Variants in BCAS3 observed in about 807,000 individuals in gnomAD.
BCAS3 encodes BCAS4/BCAS3 fusion.
A neutral mutation model predicts 116.1 loss-of-function variants in BCAS3; 53 were observed. That is an observed-to-expected ratio of 0.46 (90% CI 0.37 to 0.57). The LOEUF (loss-of-function observed/expected upper bound fraction) is 0.57. BCAS3 is among the 20% of genes least tolerant of loss of function. BCAS3 has a pLI of 0.00. For synonymous variants in BCAS3, 391 were observed against 408.2 expected, an observed-to-expected ratio of 0.96 and a Z score of 0.51; for missense variants, 917 against 1,165.4, an observed-to-expected ratio of 0.79 and a Z score of 3.10.
At chr17:60,902,488 A>C in intron 10 of BCAS3, 132 bp from the exon 11 acceptor site, 2 of 727,190 alleles carry the variant, frequency 2.8e-6, no homozygotes, top group Non-Finnish European at 4.6e-6. Flanking sequence ...TGTTTGTCTG[A>C]AATACACTCA....
intron 19 of BCAS3, among the ~76,000 whole-genome samples, chr17:61,053,626 G>A (rs1020394930): frequency 6.6e-6 from 1 of 152,150 alleles, no homozygotes; most frequent in Admixed American, 6.5e-5. Context: ...TATGTGTACT[G>A]TACATGGTGG....
chr17:60,892,211 T>C (rs972772623), intron 10 of BCAS3, among the ~76,000 whole-genome samples: 16 of 152,344 alleles, frequency 1.1e-4, no homozygotes, highest in African/African-American at 3.8e-4. Context: ...TTTTTAGTTC[T>C]TTGAGAAATC....
intron 4 of BCAS3, among the ~76,000 whole-genome samples, chr17:60,706,887 A>T (rs7208567): frequency 0.14 from 20,105 of 147,094 alleles, 4,110 homozygotes; most frequent in African/African-American, 0.45. Context: ...TGATCACACC[A>T]TACTGCATCC....
Position 61,380,254 on chromosome 17 carries a change from CAGGAGTGT to C in BCAS3, c.2594-11718_2594-11711del. 3.7e-6 allele frequency: 2 copies of C among 534,488 alleles called. No homozygotes were observed. Among genetic ancestry groups the C allele is most frequent in the South Asian group, 4.2e-5 (2 of 47,340 alleles). 33.1% of individuals were successfully genotyped at this position (534,488 alleles called of 1,614,324 possible). A position where few individuals can be genotyped will look rare whatever the true frequency, so the allele number is the denominator to read the frequency against. ...CCCTACCCCAGCCCTGTGCAGCAGG[CAGGAGTGT>C]AGGAACTCAGGCAGCTGGACTGGGG... On this transcript the variant is annotated intron_variant, in intron 23 of 23. Coordinates refer to ENST00000407086, the MANE Select transcript of BCAS3 (RefSeq NM_017679.5). This position sits in a 1 kb window ranked among gnomAD's most constrained non-coding sequence, Gnocchi z 4.2.
intron 22 of BCAS3, among the ~76,000 whole-genome samples, chr17:61,125,969 A>G (rs1378378750): frequency 1.3e-5 from 2 of 152,298 alleles, no homozygotes; most frequent in East Asian, 1.9e-4. Flanking sequence ...CCTTTCCACA[A>G]AGATTTAAAA....
rs1555861731 is a variant in BCAS3, at chr17:61,375,246, G to GCGCGCGCGCACA, written c.2593+6752_2593+6753insCGCGCGCGCACA. Among the ~76,000 whole-genome samples the GCGCGCGCGCACA allele has an allele frequency of 5.7e-3, 857 of 150,780 alleles. 8 individuals carry two copies. The highest frequency in any genetic ancestry group is 0.02 in the African/African-American group (792 of 40,272). On this transcript the variant is annotated intron_variant, in intron 23 of 23. Coordinates refer to ENST00000407086, the MANE Select transcript of BCAS3 (RefSeq NM_017679.5). ...TGTGTGTGTGTGTGTGTGTGTGTGTGTGTGTGTGTACTAATAAAGTCTTTC... is the reference window on the plus strand; with the variant it reads ...TGTGTGTGTGTGTGTGTGTGTGTGTGCGCGCGCGCACATGTGTGTGTACTAATAAAGTCTTTC...
rs1261782387 is a variant in BCAS3, at chr17:61,279,154, C to T, written c.2426-89173C>T. On this transcript the variant is annotated intron_variant, in intron 22 of 23. Transcript: ENST00000407086. This position sits in a 1 kb window ranked among gnomAD's most constrained non-coding sequence, Gnocchi z 4.4. ...TAGAGACGGGGTTTTACTGTGTTGG[C>T]CAGGCTGGTCTTGAACTCCTGACCT... Among the ~76,000 whole-genome samples the T allele has an allele frequency of 6.6e-6, 1 of 151,556 alleles. No individual in the cohort carries two copies. The highest frequency in any genetic ancestry group is 1.5e-5 in the Non-Finnish European group (1 of 67,994).
intron 7 of BCAS3, among the ~76,000 whole-genome samples, chr17:60,831,452 C>T: frequency 6.6e-6 from 1 of 152,216 alleles, no homozygotes; most frequent in East Asian, 1.9e-4. Context: ...GCTGAGATTA[C>T]AGGCATGAGC....
In BCAS3 at chr17:61,188,626, T is replaced by C. The variant is rs1261405998; in HGVS notation, c.2425+104062T>C. Among the ~76,000 whole-genome samples the C allele has an allele frequency of 6.6e-6, 1 of 152,244 alleles. No homozygotes were observed. The highest frequency in any genetic ancestry group is 1.5e-5 in the Non-Finnish European group (1 of 68,038). On this transcript the variant is annotated intron_variant, in intron 22 of 23. Transcript: ENST00000407086. This position sits in a 1 kb window ranked among gnomAD's most constrained non-coding sequence, Gnocchi z 4.0. ...TAGGTCTTAGCTTGTGCTAAGCATA[T>C]AGAGTCCACTGTGGATGCAAGTACA...
At position 61,217,274 on chromosome 17, in the gene BCAS3, C is replaced by T. The variant is rs952516381; in HGVS notation, c.2425+132710C>T. Among the ~76,000 whole-genome samples the T allele has an allele frequency of 6.6e-6, 1 of 152,108 alleles. No individual in the cohort carries two copies. Among genetic ancestry groups the T allele is most frequent in the Non-Finnish European group, 1.5e-5 (1 of 68,012 alleles). ...CTCCAGCCTGAGTGACAGAGCAAGA[C>T]TCCATCTCAAATAAATAAATAAACA... is the stretch of plus-strand genomic sequence containing the variant. On this transcript the variant is annotated intron_variant, in intron 22 of 23. Transcript: ENST00000407086. The surrounding 1 kb of genome is among the most constrained non-coding windows in gnomAD (Gnocchi z 5.2).
intron 14 of BCAS3, among the ~76,000 whole-genome samples, chr17:60,952,858 C>A (rs138466185): frequency 6.6e-6 from 1 of 152,036 alleles, no homozygotes; most frequent in South Asian, 2.1e-4. Flanking sequence ...TAAGTGAGAA[C>A]ATGCAGTATT....
intron 7 of BCAS3, among the ~76,000 whole-genome samples, chr17:60,823,504 C>T (rs776314732): frequency 3.3e-5 from 5 of 151,632 alleles, no homozygotes; most frequent in Admixed American, 2.6e-4. Context: ...TTCAAGGCTG[C>T]GGTGAGTTGT....
chr17:61,006,355 A>G (rs1350598365), intron 15 of BCAS3, among the ~76,000 whole-genome samples: 2 of 152,090 alleles, frequency 1.3e-5, no homozygotes, highest in Non-Finnish European at 2.9e-5. Flanking sequence ...AGTTAATTCT[A>G]TATTTCATCT....
intron 22 of BCAS3, among the ~76,000 whole-genome samples, chr17:61,172,420 TC>T (rs1258875010): frequency 2.0e-5 from 3 of 151,306 alleles, no homozygotes; most frequent in African/African-American, 7.3e-5. Context: ...GATCACGAGG[TC>T]CAGAGATCGA....
At chr17:60,983,639 A>G (rs1368598090) in intron 14 of BCAS3, among the ~76,000 whole-genome samples, 1 of 152,112 alleles carries the variant, frequency 6.6e-6, no homozygotes. Context: ...CCACCTCTAT[A>G]TCCTGAGTAG....
chr17:61,227,086 A>G lies in BCAS3; in HGVS notation c.2426-141241A>G, dbSNP rs2082408875. On this transcript the variant is annotated intron_variant, in intron 22 of 23. Transcript: ENST00000407086. This position sits in a 1 kb window ranked among gnomAD's most constrained non-coding sequence, Gnocchi z 6.1. ...GTGCAACGCCCCTTTCCCATAGGTT[A>G]TGGTTACTCCATAGTTAAGCTGATG... Among the ~76,000 whole-genome samples, 1 of 152,150 alleles carries G rather than the reference A, an allele frequency of 6.6e-6. No individual in the cohort carries two copies. The highest frequency in any genetic ancestry group is 1.5e-5 in the Non-Finnish European group (1 of 68,036).
At position 61,356,201 on chromosome 17, in the gene BCAS3, C is replaced by A. The variant is rs2058129128; in HGVS notation, c.2426-12126C>A. Among the ~76,000 whole-genome samples the A allele has an allele frequency of 6.6e-6, 1 of 152,182 alleles. No homozygotes were observed. Among genetic ancestry groups the A allele is most frequent in the African/African-American group, 2.4e-5 (1 of 41,444 alleles). On this transcript the variant is annotated intron_variant, in intron 22 of 23. Coordinates refer to ENST00000407086, the MANE Select transcript of BCAS3 (RefSeq NM_017679.5). The surrounding 1 kb of genome is among the most constrained non-coding windows in gnomAD (Gnocchi z 5.4). ...TAGAGACGGGGTTTCACCGTGTTGGCCAGGCTGGTCTCGAACTCCTGACCT... is the reference window on the plus strand; with the variant it reads ...TAGAGACGGGGTTTCACCGTGTTGGACAGGCTGGTCTCGAACTCCTGACCT...
chr17:60,773,390 C>T (rs1004495313), intron 6 of BCAS3, among the ~76,000 whole-genome samples: 3 of 149,286 alleles, frequency 2.0e-5, no homozygotes, highest in African/African-American at 5.0e-5. Flanking sequence ...CTCCCAGGCT[C>T]GGGCAGTCCT....
Position 61,276,895 on chromosome 17 carries a change from C to T in BCAS3, c.2426-91432C>T, listed in dbSNP as rs2050801761. On this transcript the variant is annotated intron_variant, in intron 22 of 23. Transcript: ENST00000407086. The surrounding 1 kb of genome is among the most constrained non-coding windows in gnomAD (Gnocchi z 4.2). ...AATAGAATTGAAAGTCCAAAAATAA[C>T]CCTCACATTTACAGTCAATTGAATT... Among the ~76,000 whole-genome samples the T allele has an allele frequency of 6.6e-6, 1 of 152,136 alleles. No homozygotes were observed. Among genetic ancestry groups the T allele is most frequent in the Admixed American group, 6.6e-5 (1 of 15,266 alleles).
Sources: gnomAD v4.1 joint callset for allele counts (sites outside exome capture counted in the v4.1 genomes callset) on GRCh38, gnomAD v4.1.1 for gene constraint, Gnocchi (gnomAD v3.1) non-coding constraint, MANE v1.5 for transcripts, NCBI Gene and HGNC (gene_info 2026-07-23, HGNC 2026-07-21) for gene names.